ERBB4: variants seen among roughly 807,000 people sequenced by gnomAD.
ERBB4 encodes receptor tyrosine-protein kinase erbB-4.
Under a neutral mutation model 158.0 loss-of-function variants are expected in ERBB4, and 42 were observed. The observed-to-expected ratio is 0.27, with a 90% CI of 0.21 to 0.34. The LOEUF is 0.34. Among genes scored for constraint, ERBB4 ranks in the 10% least tolerant of loss-of-function variants. ERBB4 has a pLI of 1.00. For synonymous variants in ERBB4, 583 were observed against 558.7 expected, an observed-to-expected ratio of 1.04 and a Z score of -0.61; for missense variants, 1,333 against 1,624.1, an observed-to-expected ratio of 0.82 and a Z score of 3.08.
chr2:212,517,397 G>A (rs1027179515), intron 1 of ERBB4, among the ~76,000 whole-genome samples: 1 of 152,014 alleles, frequency 6.6e-6, no homozygotes, highest in Non-Finnish European at 1.5e-5. Flanking sequence ...GGCAACTGAT[G>A]AAACATTAAT....
chr2:211,515,912 A>ATATATATATATATATATATATATTTTTTT (rs35696520), intron 20 of ERBB4, among the ~76,000 whole-genome samples: 1 of 78,976 alleles, frequency 1.3e-5, no homozygotes, highest in Non-Finnish European at 2.4e-5. Flanking sequence ...ATATATATAT[A>ATATATATATATATATATATATATTTTTTT]TTTTTTTTTT....
chr2:211,686,027 A>G (rs2072551016), intron 12 of ERBB4, among the ~76,000 whole-genome samples: 1 of 152,078 alleles, frequency 6.6e-6, no homozygotes, highest in African/African-American at 2.4e-5. Context: ...AGATTTTTTG[A>G]AATTTTTTAT....
intron 20 of ERBB4, among the ~76,000 whole-genome samples, chr2:211,485,663 T>C (rs1034394072): frequency 2.0e-5 from 3 of 147,462 alleles, no homozygotes; most frequent in South Asian, 2.2e-4. Flanking sequence ...AAAGGGATTA[T>C]GCTTTGTCTT....
chr2:211,441,918 G>C (rs2063987352), intron 20 of ERBB4, among the ~76,000 whole-genome samples: 1 of 152,084 alleles, frequency 6.6e-6, no homozygotes. Context: ...AGTCCAAGAG[G>C]TAGCCATGGG....
intron 3 of ERBB4, among the ~76,000 whole-genome samples, chr2:211,902,243 C>G (rs2079256445): frequency 6.6e-6 from 1 of 152,190 alleles, no homozygotes; most frequent in Middle Eastern, 3.4e-3. Context: ...CAATCAATGA[C>G]ATTTTTATTA....
intron 15 of ERBB4, chr2:211,658,073 G>T: frequency 9.9e-7 from 1 of 1,015,188 alleles, no homozygotes. Flanking sequence ...AATATTGATT[G>T]TCTCGAATTC....
At chr2:211,419,186 T>A (rs11900036) in intron 25 of ERBB4, among the ~76,000 whole-genome samples, 58,185 of 151,780 alleles carry the variant, frequency 0.38, 11,724 homozygotes, top group South Asian at 0.56. Flanking sequence ...ACATTATTCC[T>A]CTCTTCCACT....
intron 2 of ERBB4, among the ~76,000 whole-genome samples, chr2:212,106,683 C>A (rs2079237819): frequency 1.3e-5 from 2 of 152,188 alleles, no homozygotes; most frequent in South Asian, 4.1e-4. Flanking sequence ...TCAAAGCAGC[C>A]CCTCCCATCA....
intron 2 of ERBB4, among the ~76,000 whole-genome samples, chr2:212,004,387 GT>G (rs1350649086): frequency 1.3e-5 from 2 of 152,144 alleles, no homozygotes; most frequent in African/African-American, 4.8e-5. Context: ...CCCAAAGTGA[GT>G]ACATATGTTA....
At chr2:211,798,798 A>G (rs900419271) in intron 3 of ERBB4, among the ~76,000 whole-genome samples, 1 of 152,148 alleles carries the variant, frequency 6.6e-6, no homozygotes, top group African/African-American at 2.4e-5. Flanking sequence ...ATGTCTTACT[A>G]AAGTTAGTTA....
At chr2:211,553,721 T>A (rs767582485) in intron 20 of ERBB4, among the ~76,000 whole-genome samples, 4 of 152,328 alleles carry the variant, frequency 2.6e-5, no homozygotes, top group Non-Finnish European at 5.9e-5. Flanking sequence ...AGAGATTAAC[T>A]AACTTATTAA....
chr2:212,449,537 T>G (rs979636716), intron 1 of ERBB4, among the ~76,000 whole-genome samples: 5 of 152,172 alleles, frequency 3.3e-5, no homozygotes, highest in African/African-American at 1.2e-4. Flanking sequence ...ATGATAAATA[T>G]TACTCTAAAT....
intron 15 of ERBB4, chr2:211,658,056 T>C: frequency 8.7e-7 from 1 of 1,146,732 alleles, no homozygotes; most frequent in Non-Finnish European, 1.3e-6. Flanking sequence ...AAAAAATCAG[T>C]AAAATAAATA....
chr2:212,299,515 CG>C (rs1173912991), intron 1 of ERBB4, among the ~76,000 whole-genome samples: 1 of 151,600 alleles, frequency 6.6e-6, no homozygotes, highest in East Asian at 1.9e-4. Flanking sequence ...ATTTGAGTGT[CG>C]ACCATGTAAA....
At chr2:211,665,649 A>G (rs1326793467) in intron 14 of ERBB4, among the ~76,000 whole-genome samples, 172 bp from the exon 15 acceptor site, 2 of 152,242 alleles carry the variant, frequency 1.3e-5, no homozygotes, top group African/African-American at 4.8e-5. Flanking sequence ...TAGTACAAAC[A>G]GTGCAAAGAA....
chr2:211,838,404 C>T (rs2077389553), intron 3 of ERBB4, among the ~76,000 whole-genome samples: 3 of 152,100 alleles, frequency 2.0e-5, no homozygotes, highest in Non-Finnish European at 2.9e-5. Context: ...TTAAATATCA[C>T]ATATGATACA....
chr2:212,167,941 G>T (rs571901866), intron 1 of ERBB4, among the ~76,000 whole-genome samples: 1 of 152,180 alleles, frequency 6.6e-6, no homozygotes, highest in Non-Finnish European at 1.5e-5. Context: ...GCCTGTTGGG[G>T]TGTGGGGAAT....
At chr2:211,463,562 A>G (rs2064593821) in intron 20 of ERBB4, among the ~76,000 whole-genome samples, 2 of 152,168 alleles carry the variant, frequency 1.3e-5, no homozygotes, top group Admixed American at 1.3e-4. Flanking sequence ...GAAATGTGCT[A>G]ATAGGTCAGG....
chr2:211,894,902 A>G (rs936506003), intron 3 of ERBB4, among the ~76,000 whole-genome samples: 1 of 152,222 alleles, frequency 6.6e-6, no homozygotes, highest in African/African-American at 2.4e-5. Context: ...AGTAATCACT[A>G]ATATCTAACA....
Sources: gnomAD v4.1 joint callset for allele counts (sites outside exome capture counted in the v4.1 genomes callset) on GRCh38, gnomAD v4.1.1 for gene constraint, MANE v1.5 for transcripts, NCBI Gene and HGNC (gene_info 2026-07-23, HGNC 2026-07-21) for gene names.